The following PRIMPOL variants were observed in gnomAD, a reference collection of about 807,000 sequenced individuals.
PRIMPOL encodes the protein DNA-directed primase/polymerase protein.
PRIMPOL carries 54 observed loss-of-function variants against 63.6 expected under a neutral mutation model. The ratio of observed to expected loss-of-function variants is 0.85; its 90% confidence interval spans 0.68 to 1.07. The LOEUF is 1.07. PRIMPOL is among the 50% of genes least tolerant of loss of function. The pLI is 0.00. For missense variants in PRIMPOL, 610 were observed against 648.3 expected, an observed-to-expected ratio of 0.94 and a Z score of 0.64; for synonymous variants, 197 against 220.2, an observed-to-expected ratio of 0.89 and a Z score of 0.93.
Position 184,678,331 on chromosome 4 carries a change from T to C in PRIMPOL, c.944T>C (p.Ile315Thr), listed in dbSNP as rs749548261. ...ACTGAAGATAACAAATTTTTTCCTA[T>C]ACAGTCAAAAGATGTTTCTGACGAA... ...EVTEDNKFFP[I>T]QSKDVSDEYQ... is the part of the protein sequence containing the mutation. Residue 315 changes from isoleucine to threonine, a missense_variant, in exon 8 of 14, where the codon ATA becomes ACA. This residue lies in a region of PRIMPOL where 444 missense variants were observed against 456.4 expected (regional missense o/e 0.97). Transcript: ENST00000314970. 6 of 1,608,872 alleles carry C rather than the reference T, an allele frequency of 3.7e-6. No individual in the cohort carries two copies. The African/African-American group carries it at 8.0e-5, about 22-fold the overall frequency.
intron 3 of PRIMPOL, 51 bp downstream of exon 3, chr4:184,657,371 TTTCTTC>T (rs766974774): frequency 1.8e-5 from 23 of 1,303,716 alleles, no homozygotes; most frequent in Non-Finnish European, 2.2e-5. Flanking sequence ...CTTCCTCTTC[TTTCTTC>T]TTCTTCTTCA....
At chr4:184,667,747 G>A (rs182598078) in intron 6 of PRIMPOL, among the ~76,000 whole-genome samples, 21 of 152,320 alleles carry the variant, frequency 1.4e-4, no homozygotes, top group Admixed American at 1.3e-3. Context: ...GTACTATGGG[G>A]TTAACAATCT....
intron 3 of PRIMPOL, 77 bp from the exon 4 acceptor site, chr4:184,659,263 T>G (rs1747568709): frequency 1.9e-6 from 2 of 1,035,424 alleles, no homozygotes; most frequent in Middle Eastern, 2.1e-4. Flanking sequence ...AAATTCTTTA[T>G]GAACATTCAG....
chr4:184,675,747 G>A (rs1309662058), intron 7 of PRIMPOL, among the ~76,000 whole-genome samples: 1 of 149,586 alleles, frequency 6.7e-6, no homozygotes, highest in Non-Finnish European at 1.5e-5. Context: ...AATCCGGGAG[G>A]CAGAGGTTGC....
Position 184,672,457 on chromosome 4 carries a change from CT to C in PRIMPOL, c.842del (p.Leu281ProfsTer86). On this transcript the variant is annotated frameshift_variant and splice_region_variant, in exon 7 of 14. Coordinates refer to ENST00000314970, the MANE Select transcript of PRIMPOL (RefSeq NM_152683.4). LOFTEE classifies it high-confidence loss of function. ...NMGEKHLFVD[L>X]GVYTRNRNFR... is the part of the protein sequence containing the mutation. ...GGGAGAGAAGCATCTTTTTGTAGAT[CT>C]CGGTAAGTAAGATTGACAGCTTTCT... is the stretch of plus-strand genomic sequence containing the variant. 6.2e-7 allele frequency: 1 copy of C among 1,602,092 alleles called. No individual in the cohort carries two copies. The highest frequency in any genetic ancestry group is 1.3e-5 in the African/African-American group (1 of 74,408).
chr4:184,668,372 A>G (rs1750652293), intron 6 of PRIMPOL, among the ~76,000 whole-genome samples: 2 of 152,240 alleles, frequency 1.3e-5, no homozygotes, highest in Admixed American at 6.5e-5. Context: ...AGCTGGCTAG[A>G]GTGCGCTGAT....
At chr4:184,678,200 C>A in intron 7 of PRIMPOL, 32 bp from the exon 8 acceptor site, 1 of 1,402,630 alleles carries the variant, frequency 7.1e-7, no homozygotes, top group Non-Finnish European at 9.7e-7. Flanking sequence ...AGAAAACATG[C>A]TTTCATATTG....
chr4:184,655,575 G>A (rs12513128), intron 2 of PRIMPOL, among the ~76,000 whole-genome samples: 41 of 150,872 alleles, frequency 2.7e-4, no homozygotes, highest in South Asian at 4.2e-4. Context: ...CCGCCTCAGC[G>A]TCCCAAAGTG....
At chr4:184,664,243 G>A (rs956629569) in intron 5 of PRIMPOL, among the ~76,000 whole-genome samples, 1 of 152,192 alleles carries the variant, frequency 6.6e-6, no homozygotes, top group Non-Finnish European at 1.5e-5. Context: ...TACAGAAGTC[G>A]ACTTCATTCA....
chr4:184,690,644 T>C (rs548247236), intron 11 of PRIMPOL, among the ~76,000 whole-genome samples: 24 of 152,106 alleles, frequency 1.6e-4, no homozygotes, highest in African/African-American at 5.8e-4. Flanking sequence ...ATTTTCAGTA[T>C]AGACGGGGTT....
intron 2 of PRIMPOL, among the ~76,000 whole-genome samples, chr4:184,654,747 C>T (rs1745810289): frequency 6.6e-6 from 1 of 151,990 alleles, no homozygotes; most frequent in South Asian, 2.1e-4. Flanking sequence ...CCACCGCGCC[C>T]GGCTGAAGCA....
At position 184,672,200 on chromosome 4, in the gene PRIMPOL, C is replaced by T. The variant is rs1751972795; in HGVS notation, c.584C>T (p.Pro195Leu). Residue 195 changes from proline (P) to leucine (L), a missense_variant, in exon 7 of 14, where the codon CCT (proline) becomes CTT (leucine). Coordinates refer to ENST00000314970, the MANE Select transcript of PRIMPOL (RefSeq NM_152683.4). ...VGNFLRKILQPALDLLGSEDD... is the reference protein window; with the variant it reads ...VGNFLRKILQLALDLLGSEDD... ...AATTTTTTGAGAAAAATTTTGCAGCCTGCTCTTGACTTGCTTGGCAGTGAA... is the reference window on the plus strand; with the variant it reads ...AATTTTTTGAGAAAAATTTTGCAGCTTGCTCTTGACTTGCTTGGCAGTGAA... 6.2e-7 allele frequency: 1 copy of T among 1,605,664 alleles called. No homozygotes were observed. The highest frequency in any genetic ancestry group is 8.5e-7 in the Non-Finnish European group (1 of 1,177,750).
Position 184,691,646 on chromosome 4 carries a change from T to C in PRIMPOL, c.1379-20T>C, listed in dbSNP as rs751055057. ...TAGATAACTGTAATATGTAATAGTTTTGCTATCTTTCTGATTCAGGTTTCC... is the reference window on the plus strand; with the variant it reads ...TAGATAACTGTAATATGTAATAGTTCTGCTATCTTTCTGATTCAGGTTTCC... On this transcript the variant is annotated intron_variant, in intron 12 of 13. Coordinates refer to ENST00000314970, the MANE Select transcript of PRIMPOL (RefSeq NM_152683.4). The C allele has an allele frequency of 3.1e-6, 5 of 1,609,116 alleles. No individual in the cohort carries two copies. In the Admixed American group the frequency reaches 5.0e-5, roughly 16 times the overall value.
chr4:184,666,148 A>C, intron 6 of PRIMPOL, 84 bp downstream of exon 6: 1 of 1,062,212 alleles, frequency 9.4e-7, no homozygotes, highest in Non-Finnish European at 1.3e-6. Flanking sequence ...GTGTGTACTT[A>C]TCAAGTTTTA....
chr4:184,668,688 G>T (rs1339086270), intron 6 of PRIMPOL, among the ~76,000 whole-genome samples: 1 of 152,120 alleles, frequency 6.6e-6, no homozygotes, highest in African/African-American at 2.4e-5. Context: ...ACTTGGATTA[G>T]TGTTCCTCTG....
At chr4:184,653,372 A>G (rs1745281509) in intron 2 of PRIMPOL, among the ~76,000 whole-genome samples, 1 of 152,310 alleles carries the variant, frequency 6.6e-6, no homozygotes, top group African/African-American at 2.4e-5. Flanking sequence ...AGTTACTCGA[A>G]AAGAACTAAC....
At chr4:184,675,707 C>T (rs1753112650) in intron 7 of PRIMPOL, among the ~76,000 whole-genome samples, 1 of 152,128 alleles carries the variant, frequency 6.6e-6, no homozygotes, top group Admixed American at 6.5e-5. Flanking sequence ...ATCCCAGCTA[C>T]TCAGGAGGCT....
chr4:184,690,966 T>G (rs1758359753), intron 11 of PRIMPOL, among the ~76,000 whole-genome samples: 1 of 152,246 alleles, frequency 6.6e-6, no homozygotes, highest in Admixed American at 6.5e-5. Context: ...AGATGTGTTC[T>G]GTATGAAGTG....
intron 3 of PRIMPOL, 127 bp downstream of exon 3, chr4:184,657,447 A>T: frequency 1.4e-6 from 1 of 733,920 alleles, no homozygotes; most frequent in Non-Finnish European, 2.1e-6. Flanking sequence ...CAGGCCATGT[A>T]TTCTACCAAG....
Sources: allele counts gnomAD v4.1 joint callset (sites outside exome capture counted in the v4.1 genomes callset), GRCh38; gene constraint gnomAD v4.1.1; regional missense constraint gnomAD v4.1.1; transcripts MANE v1.5; gene names NCBI Gene and HGNC (gene_info 2026-07-23, HGNC 2026-07-21).